The following CA8 variants were observed in gnomAD, a reference collection of about 807,000 sequenced individuals.
The protein encoded by CA8 is carbonic anhydrase 8 (inactive), also known as carbonic anhydrase-related protein.
In CA8, 22 loss-of-function variants were observed where a neutral mutation model predicts 41.4. The ratio of observed to expected loss-of-function variants is 0.53; its 90% CI spans 0.38 to 0.76. The LOEUF (loss-of-function observed/expected upper bound fraction) is 0.76, where lower values mean the gene tolerates loss of function less well. CA8 is among the 30% of genes least tolerant of loss of function. CA8 has a pLI of 0.00. For synonymous variants in CA8, 121 were observed against 130.6 expected (o/e 0.93, Z 0.50); for missense variants, 270 against 352.8 (o/e 0.77, Z 1.88).
intron 7 of CA8, among the ~76,000 whole-genome samples, chr8:60,216,310 T>C (rs892582115): frequency 2.8e-5 from 4 of 141,612 alleles, no homozygotes; most frequent in Non-Finnish European, 6.3e-5. Context: ...TATAATTTTT[T>C]CTAAATCACT....
intron 7 of CA8, among the ~76,000 whole-genome samples, chr8:60,212,920 T>C (rs1197438426): frequency 6.6e-6 from 1 of 152,218 alleles, no homozygotes; most frequent in Non-Finnish European, 1.5e-5. Flanking sequence ...CTTTCTTTTA[T>C]TATCAATAAC....
intron 5 of CA8, among the ~76,000 whole-genome samples, chr8:60,226,096 A>T (rs1563355110): frequency 1.3e-5 from 2 of 152,138 alleles, no homozygotes; most frequent in African/African-American, 2.4e-5. Flanking sequence ...TTCTTTTTTT[A>T]AATTTATTTA....
chr8:60,266,396 T>C (rs1324650552), intron 2 of CA8, among the ~76,000 whole-genome samples: 1 of 152,234 alleles, frequency 6.6e-6, no homozygotes, highest in Non-Finnish European at 1.5e-5. Flanking sequence ...GACAAAAATA[T>C]GGTTTGACTC....
intron 8 of CA8, among the ~76,000 whole-genome samples, chr8:60,203,122 T>A (rs1416375972): frequency 6.6e-6 from 1 of 152,038 alleles, no homozygotes; most frequent in Non-Finnish European, 1.5e-5. Context: ...TTCATGGAGG[T>A]AAAACCTGGT....
Position 60,231,598 on chromosome 8 carries a change from T to C in CA8, c.513+686A>G, listed in dbSNP as rs561159108. Reference sequence around the variant, plus strand: ...TCTGGTTTCTGGTCCTGATGGCAGCTTTAAAGCTAAAATTTCCAGATACTC... The same window carrying C: ...TCTGGTTTCTGGTCCTGATGGCAGCCTTAAAGCTAAAATTTCCAGATACTC... On this transcript the variant is annotated intron_variant, in intron 4 of 8. Coordinates refer to ENST00000317995, the MANE Select transcript of CA8 (RefSeq NM_004056.6). Among the ~76,000 whole-genome samples, 6 of 152,330 alleles carry C rather than the reference T, an allele frequency of 3.9e-5. No individual in the cohort carries two copies. In the East Asian group the frequency reaches 9.6e-4, roughly 24 times the overall value.
chr8:60,269,856 T>C (rs967301123), intron 2 of CA8, among the ~76,000 whole-genome samples: 2 of 152,078 alleles, frequency 1.3e-5, no homozygotes, highest in African/African-American at 2.4e-5. Flanking sequence ...CAGGAAAGGG[T>C]AGCAGGAGGG....
At chr8:60,276,454 G>A (rs952340140) in intron 2 of CA8, among the ~76,000 whole-genome samples, 3 of 152,050 alleles carry the variant, frequency 2.0e-5, no homozygotes, top group African/African-American at 7.2e-5. Flanking sequence ...ATTAATTACC[G>A]ACAGATAAAA....
intron 3 of CA8, among the ~76,000 whole-genome samples, chr8:60,258,744 A>T (rs1803635472): frequency 6.6e-6 from 1 of 152,028 alleles, no homozygotes; most frequent in Non-Finnish European, 1.5e-5. Flanking sequence ...TTAAATTCTC[A>T]TCAGGAGTGT....
At chr8:60,208,152 T>C (rs186208296) in intron 8 of CA8, 5 of 153,188 alleles carry the variant, frequency 3.3e-5, no homozygotes, top group African/African-American at 9.6e-5. Context: ...AATACATACA[T>C]TGAATTCTAT....
intron 8 of CA8, among the ~76,000 whole-genome samples, chr8:60,204,267 T>C (rs1339519069): frequency 1.3e-5 from 2 of 152,200 alleles, no homozygotes; most frequent in South Asian, 2.1e-4. Flanking sequence ...GTGATTTCCT[T>C]ATGGAAAAAT....
In CA8 at chr8:60,281,155, C is replaced by T. The variant is rs1408439258; in HGVS notation, c.-8G>A. On this transcript the variant is annotated 5_prime_UTR_variant, in exon 1 of 9. Coordinates refer to ENST00000317995, the MANE Select transcript of CA8 (RefSeq NM_004056.6). ...GAAGCTCAGGTCCGCCATGGGAAGG[C>T]CGCGGGGCCCCTCGGCGCTCTCGGC... 3 of 1,547,724 alleles carry T rather than the reference C, an allele frequency of 1.9e-6. No individual in the cohort carries two copies. Among genetic ancestry groups the T allele is most frequent in the Non-Finnish European group, 1.7e-6 (2 of 1,146,258 alleles).
At chr8:60,198,155 C>T (rs1806330751) in intron 8 of CA8, among the ~76,000 whole-genome samples, 1 of 152,136 alleles carries the variant, frequency 6.6e-6, no homozygotes, top group African/African-American at 2.4e-5. Context: ...GTGGGGCCCA[C>T]TTAGGTCTGA....
At chr8:60,207,294 AAT>A (rs1806624405) in intron 8 of CA8, among the ~76,000 whole-genome samples, 1 of 152,224 alleles carries the variant, frequency 6.6e-6, no homozygotes, top group Non-Finnish European at 1.5e-5. Flanking sequence ...ATGCACACTT[AAT>A]TAAGTAACCC....
chr8:60,232,212 T>TA, intron 4 of CA8, 72 bp downstream of exon 4: 2 of 1,162,804 alleles, frequency 1.7e-6, no homozygotes, highest in Non-Finnish European at 1.3e-6. Flanking sequence ...AAATTGAGAA[T>TA]AAAAAAATTT....
intron 2 of CA8, among the ~76,000 whole-genome samples, chr8:60,275,690 AT>A (rs759530217): frequency 6.6e-6 from 1 of 152,120 alleles, no homozygotes; most frequent in South Asian, 2.1e-4. Flanking sequence ...ATATAAGAAA[AT>A]TGCTGGTAAA....
intron 3 of CA8, among the ~76,000 whole-genome samples, chr8:60,257,150 G>C (rs1232262216): frequency 2.0e-5 from 3 of 152,002 alleles, no homozygotes; most frequent in African/African-American, 2.4e-5. Flanking sequence ...GCTGATTTTT[G>C]TATCTTCAGT....
At chr8:60,190,432 AATATATATATAT>A (rs57878452) in intron 8 of CA8, among the ~76,000 whole-genome samples, 17,066 of 99,266 alleles carry the variant, frequency 0.17, 1,422 homozygotes, top group Non-Finnish European at 0.18. Flanking sequence ...ATAAATGCAG[AATATATATATAT>A]ATATATATAT....
At chr8:60,277,572 G>A (rs933009381) in intron 2 of CA8, among the ~76,000 whole-genome samples, 1 of 152,026 alleles carries the variant, frequency 6.6e-6, no homozygotes, top group African/African-American at 2.4e-5. Context: ...TCAGGCTGGT[G>A]TCGAACTCCT....
intron 8 of CA8, among the ~76,000 whole-genome samples, chr8:60,197,944 C>T (rs1178090393): frequency 6.6e-6 from 1 of 152,140 alleles, no homozygotes; most frequent in Non-Finnish European, 1.5e-5. Context: ...AGTGCAAGCA[C>T]AAATTAGCAT....
Sources: gnomAD v4.1 joint callset for allele counts (sites outside exome capture counted in the v4.1 genomes callset) on GRCh38, gnomAD v4.1.1 for gene constraint, MANE v1.5 for transcripts, NCBI Gene and HGNC (gene_info 2026-07-23, HGNC 2026-07-21) for gene names.